ADIPOR2: variants seen among roughly 807,000 people sequenced by gnomAD.
ADIPOR2 encodes the protein adiponectin receptor 2, also known as adiponectin receptor protein 2.
Under a neutral mutation model 40.9 loss-of-function variants are expected in ADIPOR2, and 18 were observed. The observed-to-expected ratio is 0.44, with a 90% CI of 0.30 to 0.65. The LOEUF (loss-of-function observed/expected upper bound fraction) is 0.65, where lower values mean the gene tolerates loss of function less well. Ranked by LOEUF, ADIPOR2 falls within the 30% of genes least tolerant of loss-of-function variation. The probability of loss-of-function intolerance (pLI) is 0.09; values close to 1 mark genes in which losing one functional copy is unlikely to be tolerated. For synonymous variants in ADIPOR2, 165 were observed against 166.4 expected, an observed-to-expected ratio of 0.99 and a Z score of 0.06; for missense variants, 283 against 479.2, an observed-to-expected ratio of 0.59 and a Z score of 3.82.
intron 1 of ADIPOR2, among the ~76,000 whole-genome samples, chr12:1,718,015 G>T (rs1314426350): frequency 4.6e-5 from 7 of 151,918 alleles, no homozygotes; most frequent in African/African-American, 1.7e-4. Flanking sequence ...TCAATATATA[G>T]ATTATAAGTA....
chr12:1,781,454 G>A (rs1345308846), intron 6 of ADIPOR2, among the ~76,000 whole-genome samples: 1 of 151,888 alleles, frequency 6.6e-6, no homozygotes, highest in Non-Finnish European at 1.5e-5. Flanking sequence ...TTTTTTTGTT[G>A]TCATTTTCTG....
intron 2 of ADIPOR2, among the ~76,000 whole-genome samples, chr12:1,770,077 A>G (rs964653975): frequency 6.7e-6 from 1 of 149,242 alleles, no homozygotes; most frequent in African/African-American, 2.5e-5. Context: ...ACGCAACACC[A>G]CTCCTGGCTA....
intron 6 of ADIPOR2, among the ~76,000 whole-genome samples, chr12:1,782,972 CTTTCTTTTTTT>C (rs1162819596): frequency 3.1e-5 from 3 of 98,250 alleles, no homozygotes; most frequent in African/African-American, 4.4e-5. Context: ...TTCTTTCTTT[CTTTCTTTTTTT>C]TTTTTTTTTT....
chr12:1,738,389 A>AT (rs1321082567), intron 1 of ADIPOR2, among the ~76,000 whole-genome samples: 3 of 152,024 alleles, frequency 2.0e-5, no homozygotes, highest in Non-Finnish European at 4.4e-5. Flanking sequence ...CTCAAAAAAA[A>AT]TTTTTAGTAG....
At chr12:1,775,871 C>T (rs1565657475) in intron 3 of ADIPOR2, among the ~76,000 whole-genome samples, 2 of 152,214 alleles carry the variant, frequency 1.3e-5, no homozygotes, top group South Asian at 4.1e-4. Flanking sequence ...TTCTCTTTCT[C>T]TCCATAAAGT....
chr12:1,778,987 A>G lies in ADIPOR2; in HGVS notation c.463+962A>G, dbSNP rs564727024. 1.0e-3 allele frequency among the ~76,000 whole-genome samples: 153 copies of G among 152,354 alleles called. 1 individual carries two copies. Among genetic ancestry groups the G allele is most frequent in the African/African-American group, 3.5e-3 (147 of 41,584 alleles). ...TTGAGAAATGCAGTGAGAAATCTCA[A>G]CACTTCACACCCACTAAGATGGCTA... On this transcript the variant is annotated intron_variant, in intron 4 of 7. Transcript: ENST00000357103.
intron 3 of ADIPOR2, among the ~76,000 whole-genome samples, chr12:1,774,998 C>T (rs1490200767): frequency 2.1e-5 from 2 of 93,992 alleles, no homozygotes; most frequent in East Asian, 3.9e-4. Context: ...CCACCATGCC[C>T]GGCTAATTTT....
At chr12:1,758,067 C>T in intron 2 of ADIPOR2, 2 of 603,224 alleles carry the variant, frequency 3.3e-6, no homozygotes, top group East Asian at 2.8e-5. Flanking sequence ...ACTTGCCCAC[C>T]CAATCACTTT....
chr12:1,757,606 AC>A, intron 2 of ADIPOR2: 1 of 1,234,514 alleles, frequency 8.1e-7, no homozygotes, highest in Non-Finnish European at 1.2e-6. Flanking sequence ...ATCATGAGTC[AC>A]CAGATGAGGG....
chr12:1,691,538 C>T (rs1045975717), intron 1 of ADIPOR2, among the ~76,000 whole-genome samples: 1 of 152,234 alleles, frequency 6.6e-6, no homozygotes. Context: ...TGCTCCAGCT[C>T]CCTGCCCGCG....
At position 1,754,934 on chromosome 12, in the gene ADIPOR2, C is replaced by T. The variant is rs1358619448; in HGVS notation, c.171+420C>T. Among the ~76,000 whole-genome samples, 6 of 108,536 alleles carry T rather than the reference C, an allele frequency of 5.5e-5. 3 individuals carry two copies. Among genetic ancestry groups the T allele is most frequent in the Non-Finnish European group, 1.4e-4 (6 of 42,706 alleles). 71.2% of individuals were successfully genotyped at this position (108,536 alleles called of 152,430 possible). Reference sequence around the variant, plus strand: ...TTTGCCATGTTGGCCAGGCTGGTCTCGAACTCCTTACCTCAGGTATCCTCC... The same window carrying T: ...TTTGCCATGTTGGCCAGGCTGGTCTTGAACTCCTTACCTCAGGTATCCTCC... On this transcript the variant is annotated intron_variant, in intron 2 of 7. Coordinates refer to ENST00000357103, the MANE Select transcript of ADIPOR2 (RefSeq NM_024551.3).
At position 1,724,645 on chromosome 12, in the gene ADIPOR2, T is replaced by C. The variant is rs1473796089; in HGVS notation, c.-86-29613T>C. On this transcript the variant is annotated intron_variant, in intron 1 of 7. Transcript: ENST00000357103. The stretch of plus-strand genomic sequence containing the variant: ...AAGATAATTTAGATGGTAAATTTTA[T>C]GTTATGTGTATTTTACTATGCCATC... 4.6e-5 allele frequency among the ~76,000 whole-genome samples: 7 copies of C among 152,322 alleles called. No homozygotes were observed. In the South Asian group the frequency reaches 1.0e-3, roughly 23 times the overall value.
chr12:1,763,611 T>A (rs1862314078), intron 2 of ADIPOR2, among the ~76,000 whole-genome samples: 2 of 152,204 alleles, frequency 1.3e-5, no homozygotes, highest in Non-Finnish European at 1.5e-5. Flanking sequence ...AGATTTGTAT[T>A]TATCTTATAA....
intron 2 of ADIPOR2, among the ~76,000 whole-genome samples, chr12:1,769,583 C>T (rs1565655293): frequency 6.6e-6 from 1 of 152,212 alleles, no homozygotes; most frequent in Non-Finnish European, 1.5e-5. Flanking sequence ...TCTTGTTGCC[C>T]AGGCTGGAGT....
chr12:1,693,419 A>G (rs1007121480), intron 1 of ADIPOR2, among the ~76,000 whole-genome samples: 1 of 152,246 alleles, frequency 6.6e-6, no homozygotes, highest in Non-Finnish European at 1.5e-5. Context: ...AGTTATTTAC[A>G]AGTACACCAC....
intron 1 of ADIPOR2, among the ~76,000 whole-genome samples, chr12:1,730,490 G>C (rs1012679685): frequency 5.9e-5 from 9 of 151,824 alleles, no homozygotes; most frequent in Non-Finnish European, 8.8e-5. Flanking sequence ...GGTGGCGGGC[G>C]CCTGTAGTCC....
chr12:1,753,073 A>C (rs968629397), intron 1 of ADIPOR2, among the ~76,000 whole-genome samples: 1 of 152,184 alleles, frequency 6.6e-6, no homozygotes, highest in African/African-American at 2.4e-5. Flanking sequence ...TGTTTCTTTG[A>C]CTAATTCTTA....
intron 2 of ADIPOR2, among the ~76,000 whole-genome samples, chr12:1,771,984 G>C (rs377134265): frequency 5.3e-4 from 81 of 152,350 alleles, no homozygotes; most frequent in African/African-American, 1.6e-3. Flanking sequence ...TGGACCTGCA[G>C]TGAAGATCCA....
At chr12:1,758,529 T>C (rs1359730302) in intron 2 of ADIPOR2, among the ~76,000 whole-genome samples, 2 of 152,180 alleles carry the variant, frequency 1.3e-5, no homozygotes, top group Non-Finnish European at 2.9e-5. Flanking sequence ...GTTGAAGTTG[T>C]TTGCTGAAAA....
Sources: gnomAD v4.1 joint callset for allele counts (sites outside exome capture counted in the v4.1 genomes callset) on GRCh38, gnomAD v4.1.1 for gene constraint, MANE v1.5 for transcripts, NCBI Gene and HGNC (gene_info 2026-07-23, HGNC 2026-07-21) for gene names.